PCDH7: variants seen among roughly 807,000 people sequenced by gnomAD.
The protein encoded by PCDH7 is protocadherin-7.
In PCDH7, 17 loss-of-function variants were observed where a neutral mutation model predicts 58.9. The ratio of observed to expected loss-of-function variants is 0.29; its 90% CI spans 0.20 to 0.43. The LOEUF is 0.43. Among genes scored for constraint, PCDH7 ranks in the 20% least tolerant of loss-of-function variants. PCDH7 has a pLI of 1.00. For synonymous variants in PCDH7, 664 were observed against 616.4 expected (o/e 1.08, Z -1.14); for missense variants, 1,274 against 1,441.0 (o/e 0.88, Z 1.88).
downstream of PCDH7, chr4:31,144,658 GGTCTTCAAAATACTTATCTTT>G (rs1429542263): frequency 6.6e-6 from 1 of 152,046 alleles, no homozygotes; most frequent in African/African-American, 2.4e-5. Context: ...ATTCACTATA[GGTCTTCAAAATACTTATCTTT>G]GAAAACCGCT....
intron 3 of PCDH7, among the ~76,000 whole-genome samples, chr4:31,067,559 G>A (rs1176879463): frequency 6.6e-6 from 1 of 151,706 alleles, no homozygotes; most frequent in Non-Finnish European, 1.5e-5. Context: ...GGTATTAGCA[G>A]GAGGAACACA....
intron 3 of PCDH7, among the ~76,000 whole-genome samples, chr4:30,990,118 A>T (rs1203069773): frequency 1.3e-5 from 2 of 152,000 alleles, no homozygotes; most frequent in Non-Finnish European, 2.9e-5. Context: ...TTATAGTATA[A>T]TTTTTATATA....
chr4:31,063,917 G>T (rs781102867), intron 3 of PCDH7, among the ~76,000 whole-genome samples: 1 of 152,020 alleles, frequency 6.6e-6, no homozygotes, highest in South Asian at 2.1e-4. Flanking sequence ...AAAATAAGTA[G>T]CTGGTAGTAA....
At chr4:30,872,010 A>G (rs1735666465) in intron 1 of PCDH7, among the ~76,000 whole-genome samples, 1 of 151,926 alleles carries the variant, frequency 6.6e-6, no homozygotes. Context: ...ACATCAGTAA[A>G]TCTCCTCTGG....
chr4:30,858,899 C>G (rs1226767464), intron 1 of PCDH7, among the ~76,000 whole-genome samples: 1 of 152,112 alleles, frequency 6.6e-6, no homozygotes, highest in African/African-American at 2.4e-5. Flanking sequence ...ATGCCACATG[C>G]TATTTTATCA....
chr4:31,120,953 G>T (rs1717620885), intron 3 of PCDH7, among the ~76,000 whole-genome samples: 1 of 152,186 alleles, frequency 6.6e-6, no homozygotes, highest in South Asian at 2.1e-4. Context: ...CCATGATGAT[G>T]ATTATGGTAA....
At chr4:30,824,115 C>CTTTCTTTT (rs1560407802) in intron 1 of PCDH7, among the ~76,000 whole-genome samples, 2 of 142,070 alleles carry the variant, frequency 1.4e-5, no homozygotes, top group African/African-American at 5.3e-5. Context: ...TTCTTTCTTT[C>CTTTCTTTT]TTTCTTTCTT....
At chr4:30,887,276 A>G (rs1737952527) in intron 1 of PCDH7, among the ~76,000 whole-genome samples, 2 of 152,126 alleles carry the variant, frequency 1.3e-5, no homozygotes, top group Non-Finnish European at 2.9e-5. Flanking sequence ...GTTTCTTTCA[A>G]CTTGAATTCT....
At chr4:31,011,844 C>G (rs1578556896) in intron 3 of PCDH7, among the ~76,000 whole-genome samples, 1 of 151,808 alleles carries the variant, frequency 6.6e-6, no homozygotes, top group African/African-American at 2.4e-5. Context: ...TTTTTTAATA[C>G]AGCATTCCTA....
At chr4:30,985,479 G>A (rs1473321814) in intron 3 of PCDH7, among the ~76,000 whole-genome samples, 1 of 152,148 alleles carries the variant, frequency 6.6e-6, no homozygotes, top group Non-Finnish European at 1.5e-5. Flanking sequence ...GATGGCTTAA[G>A]AAAGAGAATG....
intron 3 of PCDH7, among the ~76,000 whole-genome samples, chr4:31,050,113 T>A (rs913116087): frequency 3.3e-5 from 5 of 152,116 alleles, no homozygotes; most frequent in Admixed American, 3.3e-4. Flanking sequence ...CAGTTCCTTT[T>A]GAAGTTCCCT....
intron 1 of PCDH7, among the ~76,000 whole-genome samples, chr4:30,819,007 C>T (rs1276858298): frequency 1.3e-5 from 2 of 152,172 alleles, no homozygotes; most frequent in Admixed American, 6.6e-5. Flanking sequence ...GGGAAAGACA[C>T]CTTTCACAGT....
intron 3 of PCDH7, among the ~76,000 whole-genome samples, chr4:31,059,052 A>C (rs1490613742): frequency 1.3e-5 from 2 of 152,030 alleles, no homozygotes; most frequent in African/African-American, 4.8e-5. Context: ...TGATGCTTAA[A>C]AAACATTTCA....
At chr4:31,110,503 T>C (rs2109310649) in intron 3 of PCDH7, among the ~76,000 whole-genome samples, 1 of 152,340 alleles carries the variant, frequency 6.6e-6, no homozygotes, top group East Asian at 1.9e-4. Flanking sequence ...CTAATAAAAC[T>C]GAAAACTTTA....
At position 31,036,440 on chromosome 4, in the gene PCDH7, G is replaced by A. The variant is rs1028764650; in HGVS notation, c.*7+86225G>A. On this transcript the variant is annotated intron_variant, in intron 3 of 3. Transcript: ENST00000509759. ...ACCTCAAGTTTTCTGCCCAAAACTC[G>A]GCCTCCCACAGTGCTGGGATTATAA... Among the ~76,000 whole-genome samples, 18 of 152,114 alleles carry A rather than the reference G, an allele frequency of 1.2e-4. No individual in the cohort carries two copies. In the East Asian group the frequency reaches 2.5e-3, roughly 21 times the overall value.
At chr4:31,092,823 C>G (rs1713433790) in intron 3 of PCDH7, among the ~76,000 whole-genome samples, 1 of 152,024 alleles carries the variant, frequency 6.6e-6, no homozygotes. Context: ...AAAGCAATCA[C>G]CACTTTATGC....
intron 3 of PCDH7, among the ~76,000 whole-genome samples, chr4:31,028,303 A>G (rs1411093226): frequency 1.3e-5 from 2 of 152,174 alleles, no homozygotes; most frequent in Non-Finnish European, 2.9e-5. Flanking sequence ...AAGTTCCTGC[A>G]GTACACCACA....
rs1396604235 is a variant in PCDH7 at position 30,886,689 on chromosome 4, C to T, written c.71-33464C>T. Reference sequence around the variant, plus strand: ...ACATGCACACGTATGTTTATTGCGGCATTATTCACAATAGCAAAGACTTGG... The same window carrying T: ...ACATGCACACGTATGTTTATTGCGGTATTATTCACAATAGCAAAGACTTGG... On this transcript the variant is annotated intron_variant, in intron 1 of 3. Coordinates refer to the PCDH7 transcript ENST00000509759. Among the ~76,000 whole-genome samples, 5 of 151,372 alleles carry T rather than the reference C, an allele frequency of 3.3e-5. 1 individual carries two copies. The East Asian group carries it at 9.9e-4, about 30-fold the overall frequency.
chr4:31,010,750 T>A (rs544352488), intron 3 of PCDH7, among the ~76,000 whole-genome samples: 3 of 151,964 alleles, frequency 2.0e-5, no homozygotes, highest in Non-Finnish European at 4.4e-5. Flanking sequence ...ACAAGGCAGG[T>A]AGGAGCATGT....
Sources: allele counts gnomAD v4.1 joint callset (sites outside exome capture counted in the v4.1 genomes callset), GRCh38; gene constraint gnomAD v4.1.1; transcripts MANE v1.5; gene names NCBI Gene and HGNC (gene_info 2026-07-23, HGNC 2026-07-21).